BCKDHB: variants seen among roughly 807,000 people sequenced by gnomAD.
BCKDHB encodes the protein branched chain keto acid dehydrogenase E1 subunit beta.
In BCKDHB, 41 loss-of-function variants were observed where a neutral mutation model predicts 48.5. The ratio of observed to expected loss-of-function variants is 0.85; its 90% CI spans 0.66 to 1.10. The LOEUF (loss-of-function observed/expected upper bound fraction) is 1.10. Among genes scored for constraint, BCKDHB ranks in the 50% least tolerant of loss-of-function variants. The pLI, the probability that BCKDHB is intolerant of heterozygous loss-of-function variation, is 0.00. For synonymous variants in BCKDHB, 201 were observed against 174.8 expected (o/e 1.15, Z -1.18); for missense variants, 496 against 494.2 (o/e 1.00, Z -0.03).
Position 80,167,683 on chromosome 6 carries a change from G to T in BCKDHB, c.349G>T (p.Asp117Tyr). The T allele has an allele frequency of 1.2e-6, 2 of 1,608,214 alleles. No individual in the cohort carries two copies. Among genetic ancestry groups the T allele is most frequent in the Non-Finnish European group, 1.7e-6 (2 of 1,174,862 alleles). The part of the protein sequence containing the change: ...TVGLRDKYGK[D>Y]RVFNTPLCEQ... ...TTTTTCTTTTCTATTTTAAGGAAAA[G>T]ATAGAGTTTTTAATACCCCATTGTG... Residue 117 changes from aspartate to tyrosine, a missense_variant, in exon 4 of 10, where the codon GAT becomes TAT. By Grantham distance (160) the Asp-to-Tyr change is radical. Coordinates refer to ENST00000320393, the MANE Select transcript of BCKDHB (RefSeq NM_183050.4).
intron 5 of BCKDHB, among the ~76,000 whole-genome samples, chr6:80,170,248 A>G (rs1301189664): frequency 1.3e-5 from 2 of 152,204 alleles, no homozygotes; most frequent in East Asian, 3.9e-4. Context: ...TTTATTTTTA[A>G]AATAAAACCC....
the BCKDHB span, among the ~76,000 whole-genome samples, chr6:80,411,029 T>C: frequency 1.3e-5 from 2 of 152,354 alleles, no homozygotes. Context: ...AGAGGTGCTC[T>C]GGTTTTTGGA....
At chr6:80,203,307 T>G in intron 8 of BCKDHB, 95 bp downstream of exon 8, 1 of 920,822 alleles carries the variant, frequency 1.1e-6, no homozygotes, top group Non-Finnish European at 1.8e-6. Context: ...TTGTGAGCTA[T>G]GTGAGCATTT....
intron 3 of BCKDHB, among the ~76,000 whole-genome samples, chr6:80,153,595 C>T (rs1771897813): frequency 6.6e-6 from 1 of 152,156 alleles, no homozygotes; most frequent in Non-Finnish European, 1.5e-5. Flanking sequence ...CAACTAACAA[C>T]TATTAAGTCC....
At chr6:80,464,619 A>G in the BCKDHB span, among the ~76,000 whole-genome samples, 6 of 152,200 alleles carry the variant, frequency 3.9e-5, no homozygotes. Flanking sequence ...TGAACAGTTG[A>G]AAGGAGACTG....
the BCKDHB span, among the ~76,000 whole-genome samples, chr6:80,395,471 G>T: frequency 2.0e-5 from 3 of 152,184 alleles, no homozygotes; most frequent in Non-Finnish European, 4.4e-5. Flanking sequence ...CTGGCATTTT[G>T]CCCCTACCAG....
chr6:80,164,892 A>G (rs1772495893), intron 3 of BCKDHB, among the ~76,000 whole-genome samples: 2 of 152,196 alleles, frequency 1.3e-5, no homozygotes, highest in Admixed American at 1.3e-4. Flanking sequence ...TGTGTGTCTT[A>G]TTTGTGCTCT....
intron 9 of BCKDHB, among the ~76,000 whole-genome samples, chr6:80,276,429 T>C (rs999175762): frequency 6.6e-6 from 1 of 151,918 alleles, no homozygotes; most frequent in South Asian, 2.1e-4. Context: ...TTCTTTTAAG[T>C]TTATAATTGG....
rs1562050568 is a variant in BCKDHB at position 80,107,528 on chromosome 6, T to TATATATATATGCATATATATGTGC, written c.196+639_196+640insATATATATATGCATATATATGTGC. 7.0e-5 allele frequency among the ~76,000 whole-genome samples: 8 copies of TATATATATATGCATATATATGTGC among 113,894 alleles called. No homozygotes were observed. The South Asian group carries it at 2.2e-3, about 32-fold the overall frequency. 74.7% of individuals were successfully genotyped at this position (113,894 alleles called of 152,430 possible). The stretch of plus-strand genomic sequence containing the variant: ...ATATATGTGCGCATATATATATATA[T>TATATATATATGCATATATATGTGC]GCATATATATATATGCACACATATA... On this transcript the variant is annotated intron_variant, in intron 1 of 9. Transcript: ENST00000320393.
chr6:80,464,186 G>T, the BCKDHB span, among the ~76,000 whole-genome samples: 1 of 152,054 alleles, frequency 6.6e-6, no homozygotes, highest in Non-Finnish European at 1.5e-5. Context: ...GGAGTGCAGT[G>T]GCGCGATCTT....
At chr6:80,133,327 A>G (rs187674961) in intron 3 of BCKDHB, among the ~76,000 whole-genome samples, 9 of 152,354 alleles carry the variant, frequency 5.9e-5, no homozygotes, top group Non-Finnish European at 1.2e-4. Context: ...CTATAAGAAA[A>G]GGAAGAGAGG....
chr6:80,132,145 G>A (rs150489718), intron 3 of BCKDHB, among the ~76,000 whole-genome samples: 39 of 151,658 alleles, frequency 2.6e-4, no homozygotes, highest in African/African-American at 8.5e-4. Flanking sequence ...CTTTGCACTT[G>A]CTATCTGGGT....
the BCKDHB span, among the ~76,000 whole-genome samples, chr6:80,354,621 C>T: frequency 6.6e-6 from 1 of 152,138 alleles, no homozygotes; most frequent in South Asian, 2.1e-4. Context: ...CCTGGGTTTT[C>T]TTCTAGTGTT....
intron 3 of BCKDHB, among the ~76,000 whole-genome samples, chr6:80,158,659 A>G (rs1772170685): frequency 6.6e-6 from 1 of 152,176 alleles, no homozygotes; most frequent in Non-Finnish European, 1.5e-5. Flanking sequence ...AGTTGTCCCT[A>G]GTTGGGCTGA....
At chr6:80,186,920 A>G (rs1179547780) in intron 6 of BCKDHB, among the ~76,000 whole-genome samples, 1 of 152,200 alleles carries the variant, frequency 6.6e-6, no homozygotes, top group East Asian at 1.9e-4. Flanking sequence ...TCAGAGGCAG[A>G]CTTTTCCCCC....
the BCKDHB span, among the ~76,000 whole-genome samples, chr6:80,406,708 A>AT: frequency 6.6e-5 from 10 of 151,494 alleles, no homozygotes; most frequent in Non-Finnish European, 5.9e-5. Context: ...GGGTTGTTTG[A>AT]TTTTTTCTTG....
At chr6:80,217,263 A>G (rs896015360) in intron 8 of BCKDHB, among the ~76,000 whole-genome samples, 8 of 152,090 alleles carry the variant, frequency 5.3e-5, no homozygotes, top group Non-Finnish European at 8.8e-5. Context: ...AGAAAAAAAC[A>G]AAACAAAACT....
At chr6:80,108,060 A>G (rs1011644927) in intron 1 of BCKDHB, among the ~76,000 whole-genome samples, 1 of 152,122 alleles carries the variant, frequency 6.6e-6, no homozygotes, top group African/African-American at 2.4e-5. Flanking sequence ...AAGGGTTAGG[A>G]CAACCTTAAA....
At chr6:80,378,544 A>G in the BCKDHB span, among the ~76,000 whole-genome samples, 1 of 152,054 alleles carries the variant, frequency 6.6e-6, no homozygotes, top group Non-Finnish European at 1.5e-5. Flanking sequence ...ACCCTTGGTA[A>G]TCACTTAGGT....
Sources: gnomAD v4.1 joint callset for allele counts (sites outside exome capture counted in the v4.1 genomes callset) on GRCh38, gnomAD v4.1.1 for gene constraint, MANE v1.5 for transcripts, NCBI Gene and HGNC (gene_info 2026-07-23, HGNC 2026-07-21) for gene names.